DIS3L2: variants seen among roughly 807,000 people sequenced by gnomAD.
The protein encoded by DIS3L2 is DIS3 like 3'-5' exoribonuclease 2.
Under a neutral mutation model 97.5 loss-of-function variants are expected in DIS3L2, and 34 were observed. That is an observed-to-expected ratio of 0.35 (90% CI 0.27 to 0.46). DIS3L2 has a LOEUF of 0.46. DIS3L2 is among the 20% of genes least tolerant of loss of function. The pLI, the probability that DIS3L2 is intolerant of heterozygous loss-of-function variation, is 1.00. For missense variants in DIS3L2, 1,038 were observed against 1,146.0 expected (o/e 0.91, Z 1.36); for synonymous variants, 435 against 445.2 (o/e 0.98, Z 0.29).
At chr2:232,329,785 T>TCCCGGGGGGGGGCCCCCC in intron 14 of DIS3L2, 28 bp from the exon 15 acceptor site, 17 of 967,110 alleles carry the variant, frequency 1.8e-5, no homozygotes, top group South Asian at 2.1e-5. Context: ...ACCCCAGCGG[T>TCCCGGGGGGGGGCCCCCC]CCCTCCCATC....
At chr2:232,213,207 G>A (rs1366257583) in intron 10 of DIS3L2, among the ~76,000 whole-genome samples, 1 of 152,076 alleles carries the variant, frequency 6.6e-6, no homozygotes, top group Non-Finnish European at 1.5e-5. Context: ...TTTTTATAAT[G>A]TGGCAATAAT....
At chr2:232,301,449 C>T (rs184057235) in intron 14 of DIS3L2, among the ~76,000 whole-genome samples, 73 of 152,338 alleles carry the variant, frequency 4.8e-4, no homozygotes, top group South Asian at 4.1e-4. Context: ...GAACTGTCTA[C>T]TGTCTATGAC....
chr2:232,021,262 A>C (rs1353292599), intron 3 of DIS3L2, among the ~76,000 whole-genome samples: 1 of 152,102 alleles, frequency 6.6e-6, no homozygotes, highest in East Asian at 1.9e-4. Context: ...TGCAACGTTA[A>C]TAGATAATGA....
chr2:232,262,941 T>G (rs979052917), intron 12 of DIS3L2, among the ~76,000 whole-genome samples: 3 of 152,198 alleles, frequency 2.0e-5, no homozygotes, highest in African/African-American at 7.2e-5. Flanking sequence ...ATGCCTTGCC[T>G]GTGCCACTGG....
chr2:232,148,471 T>G (rs908415119), intron 8 of DIS3L2, among the ~76,000 whole-genome samples: 3 of 152,170 alleles, frequency 2.0e-5, no homozygotes, highest in African/African-American at 7.2e-5. Context: ...AGATCTCCAA[T>G]GAAAGTCCGT....
chr2:232,342,687 C>A (rs1251565080), intron 13 of DIS3L2, among the ~76,000 whole-genome samples: 2 of 152,212 alleles, frequency 1.3e-5, no homozygotes, highest in African/African-American at 4.8e-5. Flanking sequence ...GTTTAGAAGG[C>A]TGCGTATGGT....
intron 6 of DIS3L2, chr2:232,087,993 T>G (rs1696716925): frequency 2.3e-6 from 1 of 428,018 alleles, no homozygotes; most frequent in Non-Finnish European, 4.3e-6. Context: ...CGTTGACATC[T>G]CTTGCGATAG....
In DIS3L2 at chr2:232,239,186, T is replaced by C. The variant is rs571881458; in HGVS notation, c.1317+541T>C. On this transcript the variant is annotated intron_variant, in intron 11 of 20. Transcript: ENST00000325385. ...TCATCCTGACTGCACCACTCTTGGTTAGTTACTAAGTGTCTACAGACCTCC... is the reference window on the plus strand; with the variant it reads ...TCATCCTGACTGCACCACTCTTGGTCAGTTACTAAGTGTCTACAGACCTCC... Among the ~76,000 whole-genome samples, 13 of 152,322 alleles carry C rather than the reference T, an allele frequency of 8.5e-5. No individual in the cohort carries two copies. In the East Asian group the frequency reaches 2.3e-3, roughly 27 times the overall value.
chr2:232,292,530 C>A lies in DIS3L2; in HGVS notation c.1660-7510C>A, dbSNP rs938553884. Among the ~76,000 whole-genome samples the A allele has an allele frequency of 6.6e-6, 1 of 152,330 alleles. No homozygotes were observed. Among genetic ancestry groups the A allele is most frequent in the Non-Finnish European group, 1.5e-5 (1 of 68,024 alleles). ...GGGAAGATTCTCCTCTCCCAAGGGTCCTAGTCCCTTCAACTCATCCAGGCT... is the reference window on the plus strand; with the variant it reads ...GGGAAGATTCTCCTCTCCCAAGGGTACTAGTCCCTTCAACTCATCCAGGCT... On this transcript the variant is annotated intron_variant, in intron 13 of 20. Coordinates refer to ENST00000325385, the MANE Select transcript of DIS3L2 (RefSeq NM_152383.5). This position sits in a 1 kb window ranked among gnomAD's most constrained non-coding sequence, Gnocchi z 4.4.
chr2:232,154,769 A>G (rs1161217855), intron 8 of DIS3L2, among the ~76,000 whole-genome samples: 1 of 148,710 alleles, frequency 6.7e-6, no homozygotes, highest in African/African-American at 2.5e-5. Flanking sequence ...TACCTAAGCA[A>G]GCCTGGGCAA....
chr2:232,330,107 C>T (rs773336017), intron 15 of DIS3L2, 111 bp downstream of exon 15: 1 of 1,326,574 alleles, frequency 7.5e-7, no homozygotes, highest in Non-Finnish European at 1.0e-6. Context: ...CCCTCCCCTT[C>T]AGCCAGGTCT....
chr2:232,135,816 C>T (rs977521920), intron 7 of DIS3L2, among the ~76,000 whole-genome samples: 2 of 151,976 alleles, frequency 1.3e-5, no homozygotes, highest in African/African-American at 4.8e-5. Flanking sequence ...AAGGGATGAG[C>T]CTGCAGACTG....
At chr2:232,164,455 C>T (rs17199879) in intron 9 of DIS3L2, among the ~76,000 whole-genome samples, 2,684 of 152,260 alleles carry the variant, frequency 0.018, 40 homozygotes, top group Middle Eastern at 0.054. Flanking sequence ...TCATACAACC[C>T]ACTGAGGCTG....
chr2:232,082,009 C>T (rs1271906702), intron 5 of DIS3L2, among the ~76,000 whole-genome samples: 7 of 152,148 alleles, frequency 4.6e-5, no homozygotes, highest in African/African-American at 1.2e-4. Context: ...AGGCTGGTCT[C>T]GAACTCCTGA....
Position 232,090,418 on chromosome 2 carries a change from T to C in DIS3L2, c.601+2697T>C, listed in dbSNP as rs145298893. ...GTATCTGGTACAGATTTCTCTTTCC[T>C]GCTAGCCTCTAAATGGAGAGTTTGT... On this transcript the variant is annotated intron_variant, in intron 6 of 20. Coordinates refer to ENST00000325385, the MANE Select transcript of DIS3L2 (RefSeq NM_152383.5). Among the ~76,000 whole-genome samples the C allele has an allele frequency of 2.0e-3, 307 of 152,346 alleles. 10 individuals carry two copies. The East Asian group carries it at 0.047, about 23-fold the overall frequency.
chr2:232,343,330 C>T (rs577058185), intron 13 of DIS3L2: 67 of 1,551,546 alleles, frequency 4.3e-5, no homozygotes, highest in Middle Eastern at 3.4e-4. Flanking sequence ...CCAGGAGACA[C>T]GGAAAAGGGC....
At chr2:232,005,758 A>G (rs1327120313) in intron 1 of DIS3L2, among the ~76,000 whole-genome samples, 3 of 152,204 alleles carry the variant, frequency 2.0e-5, no homozygotes, top group Non-Finnish European at 4.4e-5. Flanking sequence ...TTTGATGGCA[A>G]TCATAGTCTT....
intron 10 of DIS3L2, among the ~76,000 whole-genome samples, chr2:232,218,577 GAGCT>G (rs1692411035): frequency 6.6e-6 from 1 of 152,142 alleles, no homozygotes; most frequent in Non-Finnish European, 1.5e-5. Flanking sequence ...CTGGGAGGGA[GAGCT>G]GGAGGGGCAG....
chr2:232,294,886 T>C (rs1694686782), intron 13 of DIS3L2, among the ~76,000 whole-genome samples: 2 of 152,192 alleles, frequency 1.3e-5, no homozygotes, highest in Non-Finnish European at 2.9e-5. Flanking sequence ...TAATAAATAT[T>C]AGCTCCATTC....
Sources: gnomAD v4.1 joint callset for allele counts (sites outside exome capture counted in the v4.1 genomes callset) on GRCh38, gnomAD v4.1.1 for gene constraint, Gnocchi (gnomAD v3.1) non-coding constraint, MANE v1.5 for transcripts, NCBI Gene and HGNC (gene_info 2026-07-23, HGNC 2026-07-21) for gene names.